DGCR8: variants seen among roughly 807,000 people sequenced by gnomAD.
DGCR8 encodes the protein DGCR8 microprocessor complex subunit, also known as microprocessor complex subunit DGCR8.
Under a neutral mutation model 78.5 loss-of-function variants are expected in DGCR8, and 14 were observed. That is an observed-to-expected ratio of 0.18 (90% CI 0.12 to 0.28). The LOEUF (loss-of-function observed/expected upper bound fraction) is 0.28. Ranked by LOEUF, DGCR8 falls within the 10% of genes least tolerant of loss-of-function variation. DGCR8 has a pLI of 1.00. For synonymous variants in DGCR8, 399 were observed against 402.4 expected (o/e 0.99, Z 0.10); for missense variants, 702 against 1,022.5 (o/e 0.69, Z 4.28).
chr22:20,095,927 C>A lies in DGCR8; in HGVS notation c.1788+1132C>A, dbSNP rs571297635. ...ACCTAGATCCCTTGAATGCACTGTT[C>A]ACAATAGGGTTCACACTCCTATGAG... On this transcript the variant is annotated intron_variant, in intron 9 of 13. Coordinates refer to ENST00000351989, the MANE Select transcript of DGCR8 (RefSeq NM_022720.7). Among the ~76,000 whole-genome samples, 25 of 152,226 alleles carry A rather than the reference C, an allele frequency of 1.6e-4. 1 individual carries two copies. Among genetic ancestry groups the A allele is most frequent in the African/African-American group, 6.0e-4 (25 of 41,516 alleles).
At position 20,086,929 on chromosome 22, in the gene DGCR8, C is replaced by A; in HGVS notation, c.721-233C>A. 1.4e-6 allele frequency: 1 copy of A among 727,858 alleles called. No individual in the cohort carries two copies. Among genetic ancestry groups the A allele is most frequent in the Non-Finnish European group, 2.2e-6 (1 of 458,854 alleles). The allele number at this position is 727,858 out of a possible 1,614,324, so 45.1% of individuals were successfully genotyped here. On this transcript the variant is annotated intron_variant, in intron 2 of 13. Transcript: ENST00000351989. The surrounding 1 kb of genome is among the most constrained non-coding windows in gnomAD (Gnocchi z 6.4). ...ATCCCTGATCTAGCGCGTGGGGCAG[C>A]AGGTGCTGCTGAGTTACGCTCCTTG... is the stretch of plus-strand genomic sequence containing the variant.
At chr22:20,100,645 T>A in intron 9 of DGCR8, 13 of 985,424 alleles carry the variant, frequency 1.3e-5, no homozygotes, top group Non-Finnish European at 1.6e-5. Context: ...GTTCTCAGCC[T>A]CCACTCTGGG....
At chr22:20,090,379 T>TAGTTGTA in intron 5 of DGCR8, 121 bp downstream of exon 5, 1 of 1,191,686 alleles carries the variant, frequency 8.4e-7, no homozygotes, top group Admixed American at 2.8e-5. Flanking sequence ...GCTGTGCACC[T>TAGTTGTA]CCACTGTTGG....
At position 20,111,116 on chromosome 22, in the gene DGCR8, T is replaced by TGTCAAAGGCAGC. The variant is rs1464133377; in HGVS notation, c.*1009_*1010insTCAAAGGCAGCG. 1 of 398,406 alleles carries TGTCAAAGGCAGC rather than the reference T, an allele frequency of 2.5e-6. No homozygotes were observed. The highest frequency in any genetic ancestry group is 4.4e-6 in the Non-Finnish European group (1 of 226,078). The allele number at this position is 398,406 out of a possible 1,614,324, so 24.7% of individuals were successfully genotyped here. ...CTGTTGCCTGTGACAGCGGTTTCTC[T>TGTCAAAGGCAGC]GGATGTCAAAGGCAGCTGCCTGGTG... On this transcript the variant is annotated 3_prime_UTR_variant, in exon 14 of 14. Transcript: ENST00000351989.
chr22:20,102,537 C>T (rs750057844), intron 9 of DGCR8, among the ~76,000 whole-genome samples: 5 of 152,178 alleles, frequency 3.3e-5, no homozygotes, highest in Non-Finnish European at 7.3e-5. Context: ...TGGGCGGATT[C>T]GTTTCCTTCA....
intron 1 of DGCR8, among the ~76,000 whole-genome samples, chr22:20,081,148 G>T (rs1439209668): frequency 6.6e-6 from 1 of 152,216 alleles, no homozygotes; most frequent in Non-Finnish European, 1.5e-5. Flanking sequence ...CTAAGTGCGG[G>T]ATATGAGGCC....
intron 8 of DGCR8, among the ~76,000 whole-genome samples, chr22:20,094,081 C>G (rs1188865992): frequency 1.3e-5 from 2 of 152,200 alleles, no homozygotes; most frequent in Non-Finnish European, 2.9e-5. Context: ...GCTCTTCCCT[C>G]TGCGGGATCA....
At chr22:20,101,181 C>G (rs867472256) in intron 9 of DGCR8, 1 of 984,406 alleles carries the variant, frequency 1.0e-6, no homozygotes, top group East Asian at 1.1e-4. Flanking sequence ...GTTCTGGGAA[C>G]CTGAGAGAAG....
At chr22:20,107,219 G>T (rs920166759) in intron 11 of DGCR8, 52 bp from the exon 12 acceptor site, 14 of 1,612,098 alleles carry the variant, frequency 8.7e-6, no homozygotes, top group African/African-American at 2.7e-5. Context: ...GGGGCCCCAT[G>T]AGCACTGGGT....
chr22:20,108,801 T>TGCCAGACCCTGGGCGCG, intron 12 of DGCR8, 89 bp from the exon 13 acceptor site: 1 of 851,730 alleles, frequency 1.2e-6, no homozygotes, highest in Non-Finnish European at 2.0e-6. Context: ...GCGCCTGCCT[T>TGCCAGACCCTGGGCGCG]CAGGGTCCCA....
chr22:20,085,580 T>G lies in DGCR8; in HGVS notation c.-277-107T>G. On this transcript the variant is annotated intron_variant, in intron 1 of 13. Coordinates refer to ENST00000351989, the MANE Select transcript of DGCR8 (RefSeq NM_022720.7). The surrounding 1 kb of genome is among the most constrained non-coding windows in gnomAD (Gnocchi z 6.2). The stretch of plus-strand genomic sequence containing the variant: ...AAAAAGTCCTCTTAGGGAATATTAT[T>G]TTGAAGCCCTTTACTATGCTGTTAA... 1 of 907,128 alleles carries G rather than the reference T, an allele frequency of 1.1e-6. No individual in the cohort carries two copies. Among genetic ancestry groups the G allele is most frequent in the Non-Finnish European group, 1.4e-6 (1 of 692,384 alleles). 56.2% of individuals were successfully genotyped at this position (907,128 alleles called of 1,614,324 possible).
chr22:20,081,694 G>A (rs1261617536), intron 1 of DGCR8, among the ~76,000 whole-genome samples: 1 of 152,150 alleles, frequency 6.6e-6, no homozygotes, highest in Non-Finnish European at 1.5e-5. Context: ...TCCAGCCCTG[G>A]CCTCTCTTCT....
In DGCR8 at chr22:20,089,263, G is replaced by T. The variant is rs1359248114; in HGVS notation, c.881-406G>T. On this transcript the variant is annotated intron_variant, in intron 3 of 13. Transcript: ENST00000351989. The surrounding 1 kb of genome is among the most constrained non-coding windows in gnomAD (Gnocchi z 4.9). ...CAGTTACAATAAAGACTTGTCACCT[G>T]GTCACTGGGAGCAGTGGCTGACAGC... Among the ~76,000 whole-genome samples, 1 of 152,246 alleles carries T rather than the reference G, an allele frequency of 6.6e-6. No homozygotes were observed. The highest frequency in any genetic ancestry group is 2.4e-5 in the African/African-American group (1 of 41,464).
chr22:20,083,629 G>T (rs1014221829), intron 1 of DGCR8, among the ~76,000 whole-genome samples: 5 of 152,046 alleles, frequency 3.3e-5, no homozygotes, highest in Non-Finnish European at 7.4e-5. Flanking sequence ...CCCACTGTTG[G>T]TCTCTAATCC....
At chr22:20,108,096 C>T (rs2049791561) in intron 12 of DGCR8, 1 of 152,862 alleles carries the variant, frequency 6.5e-6, no homozygotes, top group African/African-American at 2.4e-5. Flanking sequence ...CAGGGCCTGC[C>T]TTTAGGTCCC....
At chr22:20,088,186 G>C (rs1268071052) in intron 3 of DGCR8, among the ~76,000 whole-genome samples, 1 of 152,170 alleles carries the variant, frequency 6.6e-6, no homozygotes, top group Non-Finnish European at 1.5e-5. Context: ...ACATGTTGCT[G>C]CCTATGTCGT....
At position 20,089,826 on chromosome 22, in the gene DGCR8, A is replaced by C; in HGVS notation, c.1023+15A>C. ...GAAGCATACGGGTAGGGGAGGCATC[A>C]GTCGTGACTTTAGGCTTGTAAGTTC... On this transcript the variant is annotated intron_variant, in intron 4 of 13. Transcript: ENST00000351989. This position sits in a 1 kb window ranked among gnomAD's most constrained non-coding sequence, Gnocchi z 4.9. 2 of 1,613,434 alleles carry C rather than the reference A, an allele frequency of 1.2e-6. No homozygotes were observed. The highest frequency in any genetic ancestry group is 2.2e-5 in the South Asian group (2 of 91,048).
At chr22:20,094,817 T>C in intron 9 of DGCR8, 22 bp downstream of exon 9, 1 of 1,609,094 alleles carries the variant, frequency 6.2e-7, no homozygotes, top group Non-Finnish European at 8.5e-7. Context: ...GGTCCTGCCC[T>C]GCTGGGAGCT....
At position 20,087,158 on chromosome 22, in the gene DGCR8, G is replaced by T; in HGVS notation, c.721-4G>T. ...CTCTGGTGTCTGAACAGCGTGTTTTGCAGGATGACTTTGACAACGATGTGG... is the reference window on the plus strand; with the variant it reads ...CTCTGGTGTCTGAACAGCGTGTTTTTCAGGATGACTTTGACAACGATGTGG... On this transcript the variant is annotated splice_region_variant and splice_polypyrimidine_tract_variant and intron_variant, in intron 2 of 13. Transcript: ENST00000351989. This position sits in a 1 kb window ranked among gnomAD's most constrained non-coding sequence, Gnocchi z 4.1. 6.2e-7 allele frequency: 1 copy of T among 1,607,102 alleles called. No individual in the cohort carries two copies. The highest frequency in any genetic ancestry group is 2.2e-5 in the East Asian group (1 of 44,742).
Sources: gnomAD v4.1 joint callset for allele counts (sites outside exome capture counted in the v4.1 genomes callset) on GRCh38, gnomAD v4.1.1 for gene constraint, Gnocchi (gnomAD v3.1) non-coding constraint, MANE v1.5 for transcripts, NCBI Gene and HGNC (gene_info 2026-07-23, HGNC 2026-07-21) for gene names.